The following TASP1 variants were observed in gnomAD, a reference collection of about 807,000 sequenced individuals.
TASP1 encodes the protein taspase 1, also known as threonine aspartase 1.
Under a neutral mutation model 56.6 loss-of-function variants are expected in TASP1, and 16 were observed. That is an observed-to-expected ratio of 0.28 (90% CI 0.19 to 0.43). The LOEUF (loss-of-function observed/expected upper bound fraction) is 0.43. TASP1 is among the 20% of genes least tolerant of loss of function. The pLI, the probability that TASP1 is intolerant of heterozygous loss-of-function variation, is 1.00. For synonymous variants in TASP1, 179 were observed against 184.2 expected (o/e 0.97, Z 0.23); for missense variants, 393 against 511.6 (o/e 0.77, Z 2.24).
At chr20:13,636,344 G>A (rs1460263444) in intron 1 of TASP1, among the ~76,000 whole-genome samples, 7 of 142,024 alleles carry the variant, frequency 4.9e-5, no homozygotes, top group African/African-American at 1.8e-4. Context: ...ATTTTTAGTA[G>A]AGACGGGGTT....
chr20:13,405,447 C>T (rs551186113), intron 13 of TASP1, among the ~76,000 whole-genome samples: 27 of 152,256 alleles, frequency 1.8e-4, no homozygotes, highest in Admixed American at 5.2e-4. Context: ...AGAAATCTTT[C>T]TTGTAAAGAC....
chr20:13,271,765 C>G, the TASP1 span, among the ~76,000 whole-genome samples: 1 of 152,160 alleles, frequency 6.6e-6, no homozygotes, highest in African/African-American at 2.4e-5. Flanking sequence ...CAACTCTCGT[C>G]CTCATATGCC....
At chr20:13,304,873 C>A in the TASP1 span, among the ~76,000 whole-genome samples, 14 of 152,288 alleles carry the variant, frequency 9.2e-5, no homozygotes, top group African/African-American at 3.1e-4. Flanking sequence ...TTCCCCATCT[C>A]TCTTCCCCAC....
intron 11 of TASP1, among the ~76,000 whole-genome samples, chr20:13,459,412 G>A (rs1432064785): frequency 6.6e-6 from 1 of 152,048 alleles, no homozygotes; most frequent in Non-Finnish European, 1.5e-5. Context: ...TTAATTCTCT[G>A]CAGAAACCAT....
chr20:13,554,059 T>C (rs186794972), intron 8 of TASP1, among the ~76,000 whole-genome samples: 5 of 152,224 alleles, frequency 3.3e-5, no homozygotes, highest in Admixed American at 6.5e-5. Context: ...ATCTGGCACT[T>C]CTCCCTCTTT....
At chr20:13,548,017 C>T (rs930543549) in intron 8 of TASP1, among the ~76,000 whole-genome samples, 1 of 152,146 alleles carries the variant, frequency 6.6e-6, no homozygotes, top group East Asian at 1.9e-4. Context: ...AGACAGGCAA[C>T]ATTCCCTGGA....
chr20:13,342,186 C>T, the TASP1 span, among the ~76,000 whole-genome samples: 1 of 152,206 alleles, frequency 6.6e-6, no homozygotes, highest in Non-Finnish European at 1.5e-5. Flanking sequence ...TTTCTGGAGC[C>T]ACACATGTGG....
chr20:13,219,725 C>A, the TASP1 span, among the ~76,000 whole-genome samples: 2 of 152,192 alleles, frequency 1.3e-5, no homozygotes, highest in South Asian at 4.2e-4. Flanking sequence ...GGCAGCAAGC[C>A]CTTCCTCTCC....
At chr20:13,268,117 T>TTCTCTTCTCA in the TASP1 span, among the ~76,000 whole-genome samples, 1 of 110,138 alleles carries the variant, frequency 9.1e-6, no homozygotes, top group African/African-American at 3.8e-5. Context: ...CTCTCCTGTC[T>TTCTCTTCTCA]TCTCTTCTCT....
chr20:13,421,451 G>T (rs943559222), intron 12 of TASP1, among the ~76,000 whole-genome samples: 2 of 151,908 alleles, frequency 1.3e-5, no homozygotes, highest in Non-Finnish European at 2.9e-5. Context: ...GGAAATATTT[G>T]CAATTCATAG....
the TASP1 span, among the ~76,000 whole-genome samples, chr20:13,213,352 C>A: frequency 6.6e-6 from 1 of 152,012 alleles, no homozygotes; most frequent in African/African-American, 2.4e-5. Context: ...TTTTCATTAA[C>A]AACAAATTTA....
downstream of TASP1, among the ~76,000 whole-genome samples, chr20:13,384,971 T>C (rs564873627): frequency 2.0e-5 from 3 of 152,272 alleles, no homozygotes; most frequent in Admixed American, 2.0e-4. Flanking sequence ...GGACTCCCAG[T>C]GTTGAGCGTT....
At chr20:13,636,363 T>G (rs2049310494) in intron 1 of TASP1, among the ~76,000 whole-genome samples, 1 of 150,868 alleles carries the variant, frequency 6.6e-6, no homozygotes, top group Non-Finnish European at 1.5e-5. Context: ...TTTCACTATG[T>G]TGGTCAGGCT....
chr20:13,188,055 T>C, the TASP1 span, among the ~76,000 whole-genome samples: 19 of 152,274 alleles, frequency 1.2e-4, 1 homozygote, highest in East Asian at 2.3e-3. Context: ...TAGCTTGCCC[T>C]ATTTCCTTTT....
chr20:13,213,105 C>A, the TASP1 span, among the ~76,000 whole-genome samples: 1 of 152,042 alleles, frequency 6.6e-6, no homozygotes, highest in Non-Finnish European at 1.5e-5. Context: ...CTTCTAAATG[C>A]AAATTAATCA....
chr20:13,127,088 C>A, the TASP1 span, among the ~76,000 whole-genome samples: 1 of 152,158 alleles, frequency 6.6e-6, no homozygotes, highest in African/African-American at 2.4e-5. Context: ...AATTTAATAT[C>A]CAATTTTTCA....
At chr20:13,552,093 T>C (rs1442398644) in intron 8 of TASP1, among the ~76,000 whole-genome samples, 1 of 152,206 alleles carries the variant, frequency 6.6e-6, no homozygotes, top group Non-Finnish European at 1.5e-5. Context: ...CTAATATACA[T>C]AAATTTCAAT....
the TASP1 span, among the ~76,000 whole-genome samples, chr20:13,183,244 C>T: frequency 6.6e-6 from 1 of 152,306 alleles, no homozygotes; most frequent in South Asian, 2.1e-4. Context: ...CTAAGGCTTC[C>T]TAGATTAATC....
the TASP1 span, among the ~76,000 whole-genome samples, chr20:13,114,035 C>T: frequency 1.3e-5 from 2 of 152,310 alleles, no homozygotes; most frequent in Non-Finnish European, 2.9e-5. Context: ...CGAGATGAGG[C>T]AGAGCGGGGA....
Sources: gnomAD v4.1 joint callset for allele counts (sites outside exome capture counted in the v4.1 genomes callset) on GRCh38, gnomAD v4.1.1 for gene constraint, MANE v1.5 for transcripts, NCBI Gene and HGNC (gene_info 2026-07-23, HGNC 2026-07-21) for gene names.